CDK6: variants seen among roughly 807,000 people sequenced by gnomAD.
CDK6 encodes the protein cyclin-dependent kinase 6.
A neutral mutation model predicts 37.1 loss-of-function variants in CDK6; 6 were observed. The ratio of observed to expected loss-of-function variants is 0.16; its 90% CI spans 0.09 to 0.32. The LOEUF is 0.32. Ranked by LOEUF, CDK6 falls within the 10% of genes least tolerant of loss-of-function variation. The probability of loss-of-function intolerance (pLI) is 1.00; values close to 1 mark genes in which losing one functional copy is unlikely to be tolerated. For synonymous variants in CDK6, 160 were observed against 161.3 expected, an observed-to-expected ratio of 0.99 and a Z score of 0.06; for missense variants, 224 against 418.9, an observed-to-expected ratio of 0.53 and a Z score of 4.06.
chr7:92,692,079 C>T lies in CDK6; in HGVS notation c.538-20544G>A, dbSNP rs567655875. ...AGTCAGGAGTTCAAAACCAGCCTGA[C>T]CAACATGGGGAAACTCCATCTCTAT... On this transcript the variant is annotated intron_variant, in intron 4 of 7. Transcript: ENST00000424848. 4.6e-5 allele frequency among the ~76,000 whole-genome samples: 7 copies of T among 151,362 alleles called. No homozygotes were observed. In the South Asian group the frequency reaches 1.0e-3, roughly 23 times the overall value.
intron 4 of CDK6, among the ~76,000 whole-genome samples, chr7:92,708,872 T>G (rs997376384): frequency 1.3e-5 from 2 of 152,202 alleles, no homozygotes; most frequent in Non-Finnish European, 2.9e-5. Flanking sequence ...CCACTGCCAG[T>G]AAAAATAGTA....
At chr7:92,779,454 TA>T (rs900849862) in intron 2 of CDK6, among the ~76,000 whole-genome samples, 3 of 152,210 alleles carry the variant, frequency 2.0e-5, no homozygotes, top group Non-Finnish European at 4.4e-5. Flanking sequence ...TGCATATTCT[TA>T]AAAAATGGTA....
intron 2 of CDK6, among the ~76,000 whole-genome samples, chr7:92,825,283 T>C (rs1427855694): frequency 1.3e-5 from 2 of 152,046 alleles, no homozygotes; most frequent in African/African-American, 4.8e-5. Context: ...CATTTCTAAC[T>C]AAAAAAAATT....
At chr7:92,789,359 G>A (rs568024603) in intron 2 of CDK6, among the ~76,000 whole-genome samples, 3 of 152,114 alleles carry the variant, frequency 2.0e-5, no homozygotes, top group Non-Finnish European at 4.4e-5. Context: ...AAGAAACAAA[G>A]AACACTGGCA....
At chr7:92,650,175 C>T (rs1796541083) in intron 5 of CDK6, among the ~76,000 whole-genome samples, 2 of 152,194 alleles carry the variant, frequency 1.3e-5, no homozygotes, top group African/African-American at 4.8e-5. Flanking sequence ...TAAAATGGTT[C>T]ATCTCTAAAA....
chr7:92,819,389 G>C (rs1260242514), intron 2 of CDK6, among the ~76,000 whole-genome samples: 2 of 152,136 alleles, frequency 1.3e-5, no homozygotes, highest in East Asian at 3.9e-4. Context: ...CCTGGTAGAG[G>C]GAGGAGATTC....
At chr7:92,661,546 A>G (rs1318194061) in intron 5 of CDK6, among the ~76,000 whole-genome samples, 1 of 152,216 alleles carries the variant, frequency 6.6e-6, no homozygotes, top group Non-Finnish European at 1.5e-5. Flanking sequence ...ATAATAAAGT[A>G]AGCAGAGAAA....
intron 5 of CDK6, among the ~76,000 whole-genome samples, chr7:92,659,333 A>G (rs1477429152): frequency 6.6e-6 from 1 of 152,206 alleles, no homozygotes; most frequent in African/African-American, 2.4e-5. Flanking sequence ...AAAAAGAAAG[A>G]ATGTAAAAAT....
intron 2 of CDK6, among the ~76,000 whole-genome samples, chr7:92,807,445 C>T (rs1368879961): frequency 2.0e-5 from 3 of 151,672 alleles, no homozygotes; most frequent in African/African-American, 7.3e-5. Flanking sequence ...TTTATCTAGA[C>T]ATAGATACAC....
At chr7:92,749,695 T>G (rs1374571149) in intron 3 of CDK6, among the ~76,000 whole-genome samples, 1 of 152,256 alleles carries the variant, frequency 6.6e-6, no homozygotes, top group Non-Finnish European at 1.5e-5. Flanking sequence ...TGTAAGTTTT[T>G]GAAGGCATTC....
In CDK6 at chr7:92,750,286, T is replaced by C. The variant is rs868214310; in HGVS notation, c.369+24410A>G. On this transcript the variant is annotated intron_variant, in intron 3 of 7. Coordinates refer to ENST00000424848, the MANE Select transcript of CDK6 (RefSeq NM_001145306.2). ...ACCACCCTCTTCGGGACCCACTTCC[T>C]TAAACATAAAGTGGGGAGAGGCTGG... Among the ~76,000 whole-genome samples, 3 of 152,312 alleles carry C rather than the reference T, an allele frequency of 2.0e-5. No homozygotes were observed. In the South Asian group the frequency reaches 6.2e-4, roughly 32 times the overall value.
At chr7:92,677,261 A>G (rs181197311) in intron 4 of CDK6, among the ~76,000 whole-genome samples, 115 of 152,350 alleles carry the variant, frequency 7.5e-4, no homozygotes, top group African/African-American at 2.6e-3. Flanking sequence ...TTCAAGACTT[A>G]CATTTCTAGT....
At chr7:92,718,501 G>A (rs534012413) in intron 4 of CDK6, among the ~76,000 whole-genome samples, 2 of 152,264 alleles carry the variant, frequency 1.3e-5, no homozygotes, top group South Asian at 2.1e-4. Context: ...ATTTTCTCCT[G>A]TAAAAGATGA....
intron 3 of CDK6, among the ~76,000 whole-genome samples, chr7:92,739,298 TG>T (rs1293170537): frequency 6.6e-6 from 1 of 152,242 alleles, no homozygotes; most frequent in African/African-American, 2.4e-5. Context: ...ATAAGGCAGC[TG>T]GGGCTGCTCT....
chr7:92,707,324 T>C, intron 4 of CDK6, among the ~76,000 whole-genome samples: 1 of 152,204 alleles, frequency 6.6e-6, no homozygotes, highest in East Asian at 1.9e-4. Context: ...ACACAGCTTG[T>C]TAAGTTGCAA....
intron 3 of CDK6, among the ~76,000 whole-genome samples, chr7:92,762,554 C>T (rs1409562361): frequency 6.6e-6 from 1 of 151,174 alleles, no homozygotes; most frequent in African/African-American, 2.4e-5. Flanking sequence ...CCATACTAAC[C>T]GTATTCATAG....
chr7:92,728,665 T>C (rs1393664861), intron 3 of CDK6, among the ~76,000 whole-genome samples: 1 of 152,234 alleles, frequency 6.6e-6, no homozygotes, highest in Non-Finnish European at 1.5e-5. Flanking sequence ...TGAATCCACA[T>C]GACTGCACTA....
At chr7:92,756,286 T>C (rs549656215) in intron 3 of CDK6, among the ~76,000 whole-genome samples, 56 of 152,292 alleles carry the variant, frequency 3.7e-4, no homozygotes, top group African/African-American at 1.3e-3. Flanking sequence ...GGTAAGATTT[T>C]TACAACAAAT....
intron 7 of CDK6, 145 bp from the exon 8 acceptor site, chr7:92,615,431 A>G (rs1795655799): frequency 1.5e-6 from 1 of 676,168 alleles, no homozygotes; most frequent in Admixed American, 2.7e-5. Context: ...ACTAAATAAT[A>G]TGGAGACAGT....
Sources: gnomAD v4.1 joint callset for allele counts (sites outside exome capture counted in the v4.1 genomes callset) on GRCh38, gnomAD v4.1.1 for gene constraint, MANE v1.5 for transcripts, NCBI Gene and HGNC (gene_info 2026-07-23, HGNC 2026-07-21) for gene names.